Variants in RBFOX1 observed in about 807,000 individuals in gnomAD.
RBFOX1 encodes the protein RNA binding protein fox-1 homolog 1.
A neutral mutation model predicts 57.7 loss-of-function variants in RBFOX1; 8 were observed. The observed-to-expected ratio is 0.14, with a 90% CI of 0.08 to 0.25. The LOEUF (loss-of-function observed/expected upper bound fraction) is 0.25, where lower values mean the gene tolerates loss of function less well. Ranked by LOEUF, RBFOX1 falls within the 10% of genes least tolerant of loss-of-function variation. The probability of loss-of-function intolerance (pLI) is 1.00; values close to 1 mark genes in which losing one functional copy is unlikely to be tolerated. For synonymous variants in RBFOX1, 326 were observed against 222.4 expected (o/e 1.47, Z -4.15); for missense variants, 611 against 548.5 (o/e 1.11, Z -1.14).
chr16:6,723,082 A>G (rs551307242), intron 3 of RBFOX1, among the ~76,000 whole-genome samples: 29 of 152,300 alleles, frequency 1.9e-4, no homozygotes, highest in Non-Finnish European at 4.1e-4. Flanking sequence ...ATGTCCCATG[A>G]GTGGTGATGT....
At chr16:7,296,809 G>A (rs1454794242) in intron 4 of RBFOX1, among the ~76,000 whole-genome samples, 1 of 152,144 alleles carries the variant, frequency 6.6e-6, no homozygotes, top group Non-Finnish European at 1.5e-5. Context: ...TGTTTCCTAG[G>A]AGCTAGTTTG....
chr16:7,091,030 G>T (rs1002009835), intron 4 of RBFOX1, among the ~76,000 whole-genome samples: 1 of 152,154 alleles, frequency 6.6e-6, no homozygotes, highest in Non-Finnish European at 1.5e-5. Context: ...TTCACAAACA[G>T]GATACAAATT....
chr16:7,114,548 C>A (rs1006318557), intron 4 of RBFOX1, among the ~76,000 whole-genome samples: 14 of 152,156 alleles, frequency 9.2e-5, no homozygotes, highest in African/African-American at 3.1e-4. Flanking sequence ...ACACCATGAG[C>A]CTAATGAGAA....
At chr16:5,318,688 C>A (rs996027072) in intron 1 of RBFOX1, among the ~76,000 whole-genome samples, 34 of 152,318 alleles carry the variant, frequency 2.2e-4, no homozygotes, top group African/African-American at 8.2e-4. Context: ...AGATTCTCAG[C>A]CCTGATGTGT....
chr16:5,856,869 A>G (rs535825173), intron 3 of RBFOX1, among the ~76,000 whole-genome samples: 1 of 151,988 alleles, frequency 6.6e-6, no homozygotes, highest in Admixed American at 6.6e-5. Flanking sequence ...AACTTTGTCC[A>G]TATCATCAGC....
intron 4 of RBFOX1, among the ~76,000 whole-genome samples, chr16:7,090,994 T>G (rs1406071425): frequency 6.6e-6 from 1 of 152,180 alleles, no homozygotes; most frequent in African/African-American, 2.4e-5. Context: ...GGCTGGAAAG[T>G]AGGCAATTGG....
rs2080195709 is a variant in RBFOX1, at chr16:6,779,881, A to ATATATTTATATATATTTATATATATT, written c.-16+125236_-16+125237insTTATATATATTTATATATATTTATAT. 1.3e-4 allele frequency among the ~76,000 whole-genome samples: 2 copies of ATATATTTATATATATTTATATATATT among 15,510 alleles called. 1 individual carries two copies. The highest frequency in any genetic ancestry group is 2.0e-4 in the Non-Finnish European group (2 of 9,948). 10.2% of individuals were successfully genotyped at this position (15,510 alleles called of 152,430 possible). On this transcript the variant is annotated intron_variant, in intron 3 of 15. Coordinates refer to ENST00000550418, the MANE Select transcript of RBFOX1 (RefSeq NM_018723.4). The stretch of plus-strand genomic sequence containing the variant: ...TATATTTATATATTTATATATATTT[A>ATATATTTATATATATTTATATATATT]TATATATTTATATATATTTATATAT...
chr16:5,289,387 C>G (rs966256132), intron 1 of RBFOX1: 2 of 377,320 alleles, frequency 5.3e-6, no homozygotes, highest in African/African-American at 2.1e-5. Flanking sequence ...GGGAGGGCCC[C>G]CATATGGGGT....
Position 6,675,810 on chromosome 16 carries a change from A to G in RBFOX1, c.-16+21160A>G, listed in dbSNP as rs78501485. 2.0e-3 allele frequency among the ~76,000 whole-genome samples: 301 copies of G among 152,180 alleles called. 1 individual carries two copies. In the East Asian group the frequency reaches 0.028, roughly 14 times the overall value. ...ATGGGAAAACCACTGCTACGAATCA[A>G]TTATCTCCCACCAGGCCCCTCCCAC... is the stretch of plus-strand genomic sequence containing the variant. On this transcript the variant is annotated intron_variant, in intron 3 of 15. Coordinates refer to ENST00000550418, the MANE Select transcript of RBFOX1 (RefSeq NM_018723.4).
chr16:6,128,791 CTG>C (rs998005990), intron 1 of RBFOX1, among the ~76,000 whole-genome samples: 26 of 152,196 alleles, frequency 1.7e-4, no homozygotes, highest in African/African-American at 6.0e-4. Context: ...AAACAAGAAT[CTG>C]TGCAGTGCTG....
intron 2 of RBFOX1, among the ~76,000 whole-genome samples, chr16:6,626,558 G>T (rs951007948): frequency 2.6e-5 from 4 of 152,116 alleles, no homozygotes; most frequent in African/African-American, 9.7e-5. Flanking sequence ...TCAGGAGTTC[G>T]AGACCAGCCT....
chr16:6,798,760 T>G (rs1335950113), intron 3 of RBFOX1, among the ~76,000 whole-genome samples: 2 of 152,128 alleles, frequency 1.3e-5, no homozygotes, highest in African/African-American at 4.8e-5. Context: ...ATGGAACAAA[T>G]GGAGTAAAAG....
chr16:7,150,185 C>T (rs76101711), intron 4 of RBFOX1, among the ~76,000 whole-genome samples: 1 of 152,126 alleles, frequency 6.6e-6, no homozygotes, highest in Non-Finnish European at 1.5e-5. Context: ...ACATGCACAT[C>T]CGAAGGACAA....
chr16:7,668,696 A>T (rs2070316489), intron 13 of RBFOX1, among the ~76,000 whole-genome samples: 1 of 152,050 alleles, frequency 6.6e-6, no homozygotes, highest in South Asian at 2.1e-4. Context: ...GTATAAAAAG[A>T]TAGATAGGAA....
At chr16:6,236,956 C>T (rs547191355) in intron 1 of RBFOX1, among the ~76,000 whole-genome samples, 1 of 152,240 alleles carries the variant, frequency 6.6e-6, no homozygotes, top group African/African-American at 2.4e-5. Flanking sequence ...GTCTATTTGG[C>T]CCCATTGTAG....
chr16:7,142,843 G>A (rs369947082), intron 4 of RBFOX1, among the ~76,000 whole-genome samples: 2 of 151,896 alleles, frequency 1.3e-5, no homozygotes, highest in Admixed American at 6.6e-5. Flanking sequence ...AAAATGGTCA[G>A]CCCTGAGTAA....
At chr16:6,213,690 A>C (rs2097313020) in intron 1 of RBFOX1, among the ~76,000 whole-genome samples, 1 of 152,176 alleles carries the variant, frequency 6.6e-6, no homozygotes, top group Non-Finnish European at 1.5e-5. Flanking sequence ...GGATGGTTTA[A>C]ATCATTCTGT....
intron 4 of RBFOX1, among the ~76,000 whole-genome samples, chr16:7,400,779 C>G (rs971233948): frequency 7.9e-5 from 12 of 152,166 alleles, no homozygotes; most frequent in African/African-American, 2.7e-4. Context: ...GATTTCAGTT[C>G]CCAGCAGCAT....
Position 7,709,148 on chromosome 16 carries a change from C to T in RBFOX1, c.1071+17C>T, listed in dbSNP as rs372098682. On this transcript the variant is annotated intron_variant, in intron 15 of 15. Transcript: ENST00000550418. ...GGTGCCATGGTGAGTACAAGTTTCT[C>T]CTTGTCCTCACTTCCTCCTGCCTCC... The T allele has an allele frequency of 1.9e-6, 3 of 1,595,340 alleles. No individual in the cohort carries two copies. The highest frequency in any genetic ancestry group is 1.1e-5 in the South Asian group (1 of 90,442).
Sources: allele counts gnomAD v4.1 joint callset (sites outside exome capture counted in the v4.1 genomes callset), GRCh38; gene constraint gnomAD v4.1.1; transcripts MANE v1.5; gene names NCBI Gene and HGNC (gene_info 2026-07-23, HGNC 2026-07-21).